STPG2: variants seen among roughly 807,000 people sequenced by gnomAD.
STPG2 encodes the protein sperm tail PG-rich repeat containing 2, also known as sperm-tail PG-rich repeat-containing protein 2.
Under a neutral mutation model 54.2 loss-of-function variants are expected in STPG2, and 56 were observed. That is an observed-to-expected ratio of 1.03 (90% CI 0.83 to 1.29). The LOEUF is 1.29. Among genes scored for constraint, STPG2 ranks in the 50% most tolerant of loss-of-function variants. The pLI is 0.00. For missense variants in STPG2, 596 were observed against 544.9 expected (o/e 1.09, Z -0.93); for synonymous variants, 200 against 181.8 (o/e 1.10, Z -0.81).
At chr4:97,943,602 C>T (rs1356739735) in intron 8 of STPG2, among the ~76,000 whole-genome samples, 2 of 152,086 alleles carry the variant, frequency 1.3e-5, no homozygotes, top group Non-Finnish European at 2.9e-5. Flanking sequence ...CCTAGTAAAT[C>T]TTTTGCTCCA....
chr4:97,961,842 C>A (rs182029641), intron 7 of STPG2, among the ~76,000 whole-genome samples: 57 of 152,284 alleles, frequency 3.7e-4, no homozygotes, highest in African/African-American at 1.3e-3. Flanking sequence ...TTTGATCCAG[C>A]AATCCCACTA....
At chr4:97,990,721 A>G (rs549645973) in intron 5 of STPG2, among the ~76,000 whole-genome samples, 152 of 152,326 alleles carry the variant, frequency 1.0e-3, no homozygotes, top group Middle Eastern at 3.4e-3. Flanking sequence ...GTGGAAACAA[A>G]GCTTAAAATT....
At chr4:97,564,973 G>T (rs940748100) in intron 10 of STPG2, among the ~76,000 whole-genome samples, 2 of 152,132 alleles carry the variant, frequency 1.3e-5, no homozygotes, top group African/African-American at 4.8e-5. Flanking sequence ...GAATCTGAAT[G>T]TTAGCCTGCC....
chr4:97,812,667 C>G (rs779691004), intron 9 of STPG2, among the ~76,000 whole-genome samples: 2 of 152,096 alleles, frequency 1.3e-5, no homozygotes, highest in Non-Finnish European at 2.9e-5. Flanking sequence ...ATCTGAACAT[C>G]TGAAAATTGT....
chr4:97,467,555 C>T (rs559179919), intron 4 of STPG2, among the ~76,000 whole-genome samples: 2 of 151,766 alleles, frequency 1.3e-5, no homozygotes, highest in Admixed American at 1.3e-4. Flanking sequence ...GTTATATGAA[C>T]CACAAGGCAC....
chr4:97,914,679 G>A (rs879541816), intron 8 of STPG2, among the ~76,000 whole-genome samples: 2 of 152,098 alleles, frequency 1.3e-5, no homozygotes, highest in Non-Finnish European at 2.9e-5. Context: ...AAGTGTTTTG[G>A]ACTTCAGATT....
chr4:97,537,330 C>T (rs938039307), intron 4 of STPG2, among the ~76,000 whole-genome samples: 35 of 152,178 alleles, frequency 2.3e-4, no homozygotes, highest in African/African-American at 8.4e-4. Flanking sequence ...CCTGGAAAAT[C>T]AGATCACTCC....
chr4:97,705,970 C>G (rs1430439489), intron 10 of STPG2, among the ~76,000 whole-genome samples: 1 of 151,942 alleles, frequency 6.6e-6, no homozygotes, highest in Non-Finnish European at 1.5e-5. Context: ...GTAATACATG[C>G]TTTTTTCAGT....
chr4:98,120,601 C>A (rs1739651250), intron 3 of STPG2, among the ~76,000 whole-genome samples: 1 of 152,136 alleles, frequency 6.6e-6, no homozygotes, highest in South Asian at 2.1e-4. Context: ...TAATAATCGC[C>A]ATTCTGACTG....
At chr4:97,448,088 A>G (rs1196841790) in intron 4 of STPG2, among the ~76,000 whole-genome samples, 1 of 152,128 alleles carries the variant, frequency 6.6e-6, no homozygotes, top group Non-Finnish European at 1.5e-5. Context: ...TGGCTTTCAG[A>G]CTCACATGGG....
intron 4 of STPG2, among the ~76,000 whole-genome samples, chr4:97,549,098 T>G (rs571892452): frequency 1.8e-5 from 1 of 54,946 alleles, no homozygotes; most frequent in Non-Finnish European, 3.4e-5. Flanking sequence ...ATTGAATGAC[T>G]TTTGTGGTGA....
chr4:97,555,370 G>C (rs1263889187), downstream of STPG2, among the ~76,000 whole-genome samples: 1 of 151,926 alleles, frequency 6.6e-6, no homozygotes, highest in Non-Finnish European at 1.5e-5. Flanking sequence ...CAAAGAACTG[G>C]GAGGAGAAAA....
In STPG2 at chr4:98,126,394, G is replaced by A. The variant is rs147573279; in HGVS notation, c.387+2034C>T. On this transcript the variant is annotated intron_variant, in intron 3 of 10. Coordinates refer to ENST00000295268, the MANE Select transcript of STPG2 (RefSeq NM_174952.3). ...CAAGGCCCGGGTGGTGTGGGCTCAC[G>A]AGGGGATCTCCTGGTCCATGAGTTG... 1.3e-3 allele frequency among the ~76,000 whole-genome samples: 196 copies of A among 152,334 alleles called. 1 individual carries two copies. Among genetic ancestry groups the A allele is most frequent in the East Asian group, 7.0e-3 (36 of 5,170 alleles).
chr4:97,540,196 T>C (rs1204779629), intron 4 of STPG2, among the ~76,000 whole-genome samples: 1 of 152,078 alleles, frequency 6.6e-6, no homozygotes, highest in Non-Finnish European at 1.5e-5. Flanking sequence ...GGTGGTTTTT[T>C]GAAAAGATCC....
intron 10 of STPG2, among the ~76,000 whole-genome samples, chr4:97,585,278 G>A (rs1732969313): frequency 6.6e-6 from 1 of 151,830 alleles, no homozygotes; most frequent in Non-Finnish European, 1.5e-5. Context: ...AATCATAAAT[G>A]CAGGATATCC....
intron 4 of STPG2, among the ~76,000 whole-genome samples, chr4:97,486,157 A>T (rs1730350718): frequency 6.6e-6 from 1 of 151,770 alleles, no homozygotes; most frequent in African/African-American, 2.4e-5. Flanking sequence ...ATGCAATAGA[A>T]AAAGAGTAAA....
intron 9 of STPG2, among the ~76,000 whole-genome samples, chr4:97,750,317 C>A (rs1284526479): frequency 6.6e-6 from 1 of 151,818 alleles, no homozygotes; most frequent in Non-Finnish European, 1.5e-5. Flanking sequence ...AACTACTTAG[C>A]CCTCAAGAGA....
chr4:97,943,780 G>T (rs1733091383), intron 8 of STPG2, 117 bp downstream of exon 8: 1 of 664,886 alleles, frequency 1.5e-6, no homozygotes, highest in Non-Finnish European at 2.5e-6. Context: ...GTCTAGCCAA[G>T]GAGGTTACAG....
chr4:97,806,412 C>A (rs1412850101), intron 9 of STPG2, among the ~76,000 whole-genome samples: 2 of 152,082 alleles, frequency 1.3e-5, no homozygotes, highest in Non-Finnish European at 1.5e-5. Context: ...GCTTGGGTAC[C>A]ATGCTCACTA....
Sources: allele counts gnomAD v4.1 joint callset (sites outside exome capture counted in the v4.1 genomes callset), GRCh38; gene constraint gnomAD v4.1.1; transcripts MANE v1.5; gene names NCBI Gene and HGNC (gene_info 2026-07-23, HGNC 2026-07-21).